PEX1: variants seen among roughly 807,000 people sequenced by gnomAD.
The protein encoded by PEX1 is peroxisomal biogenesis factor 1, also known as peroxisomal ATPase PEX1.
In PEX1, 97 loss-of-function variants were observed where a neutral mutation model predicts 152.5. The observed-to-expected ratio is 0.64, with a 90% CI of 0.54 to 0.75. The LOEUF is 0.75. PEX1 is among the 30% of genes least tolerant of loss of function. The pLI, the probability that PEX1 is intolerant of heterozygous loss-of-function variation, is 0.00. For missense variants in PEX1, 1,357 were observed against 1,516.3 expected (o/e 0.89, Z 1.74); for synonymous variants, 485 against 531.6 (o/e 0.91, Z 1.21).
chr7:92,502,379 G>GA (rs1440408795), intron 13 of PEX1, among the ~76,000 whole-genome samples: 2 of 152,030 alleles, frequency 1.3e-5, no homozygotes, highest in Non-Finnish European at 2.9e-5. Flanking sequence ...ATAAAGTTGT[G>GA]AAAAAATCAC....
At chr7:92,508,895 A>C (rs979512352) in intron 9 of PEX1, among the ~76,000 whole-genome samples, 2 of 152,204 alleles carry the variant, frequency 1.3e-5, no homozygotes, top group Non-Finnish European at 2.9e-5. Context: ...GGAATAACTT[A>C]ATTTGAAATA....
chr7:92,510,922 A>C (rs758986883), intron 8 of PEX1, 22 bp downstream of exon 8: 1 of 1,165,490 alleles, frequency 8.6e-7, no homozygotes, highest in South Asian at 1.3e-5. Context: ...ATTTTATTAA[A>C]TATTCAATAA....
chr7:92,508,520 A>C (rs998206858), intron 9 of PEX1, among the ~76,000 whole-genome samples: 2 of 152,052 alleles, frequency 1.3e-5, no homozygotes, highest in African/African-American at 4.8e-5. Context: ...CCTGAGTGAC[A>C]AAGTGAGAGT....
intron 5 of PEX1, among the ~76,000 whole-genome samples, chr7:92,515,079 A>C (rs1369526759): frequency 0.26 from 474 of 1,858 alleles, 13 homozygotes; most frequent in South Asian, 0.32. Context: ...ATATATATAT[A>C]TATATATATA....
chr7:92,497,913 CA>C (rs1309079857), intron 16 of PEX1, among the ~76,000 whole-genome samples: 1 of 150,992 alleles, frequency 6.6e-6, no homozygotes, highest in Non-Finnish European at 1.5e-5. Flanking sequence ...ACTAAAAATA[CA>C]AAAATTCACC....
chr7:92,514,631 A>G (rs188522560), intron 5 of PEX1, among the ~76,000 whole-genome samples: 25 of 152,364 alleles, frequency 1.6e-4, no homozygotes, highest in Non-Finnish European at 4.4e-5. Flanking sequence ...AGATCCAGAC[A>G]GAAACTTAAT....
chr7:92,511,579 C>A lies in PEX1; in HGVS notation c.1483+1G>T. ...AAAGTCAAAATAACAAATGTACTCA[C>A]CATCTTTAGTTTCCAGCTTAATAAA... On this transcript the variant is annotated splice_donor_variant, in intron 7 of 23. Coordinates refer to ENST00000248633, the MANE Select transcript of PEX1 (RefSeq NM_000466.3). LOFTEE classifies it high-confidence loss of function. The A allele has an allele frequency of 6.2e-7, 1 of 1,609,696 alleles. No homozygotes were observed. The highest frequency in any genetic ancestry group is 2.2e-5 in the East Asian group (1 of 44,786).
At chr7:92,514,044 T>C (rs1445004699) in intron 5 of PEX1, 77 bp from the exon 6 acceptor site, 4 of 914,240 alleles carry the variant, frequency 4.4e-6, no homozygotes, top group Admixed American at 4.3e-5. Context: ...TAAATATTGA[T>C]ATATTAGCTT....
chr7:92,504,366 G>A (rs1391388599), intron 12 of PEX1, among the ~76,000 whole-genome samples: 2 of 151,982 alleles, frequency 1.3e-5, no homozygotes, highest in South Asian at 2.1e-4. Context: ...TATTAGTATC[G>A]TTCTGCGCTA....
At chr7:92,527,054 G>C (rs1414663011) in intron 1 of PEX1, among the ~76,000 whole-genome samples, 1 of 152,012 alleles carries the variant, frequency 6.6e-6, no homozygotes, top group Non-Finnish European at 1.5e-5. Flanking sequence ...TGCTAATATG[G>C]GCTGAACAGA....
chr7:92,499,432 A>G lies in PEX1; in HGVS notation c.2718+272T>C, dbSNP rs1022140992. Among the ~76,000 whole-genome samples, 19 of 152,240 alleles carry G rather than the reference A, an allele frequency of 1.2e-4. 1 individual carries two copies. The highest frequency in any genetic ancestry group is 7.3e-5 in the Non-Finnish European group (5 of 68,042). On this transcript the variant is annotated intron_variant, in intron 16 of 23. Transcript: ENST00000248633. ...ACCATGAAAACATTACATAAGTGAA[A>G]GAAGCCAGACAAAAAAGGTCACATA...
Position 92,506,340 on chromosome 7 carries a change from C to G in PEX1, c.1808G>C (p.Ser603Thr), listed in dbSNP as rs1157466034. The G allele has an allele frequency of 6.3e-7, 1 of 1,590,908 alleles. No homozygotes were observed. The highest frequency in any genetic ancestry group is 1.1e-5 in the South Asian group (1 of 90,550). ...GALLLTGGKG[S>T]GKSTLAKAIC... The stretch of plus-strand genomic sequence containing the variant: ...TGCTTTGGCTAAAGTTGATTTTCCA[C>G]TTCCCTAGAAAATAATTGCTTTATA... The change falls in exon 11 of 24, where the codon AGT (serine) becomes ACT (threonine). Residue 603 changes from serine to threonine, a missense_variant. Coordinates refer to ENST00000248633, the MANE Select transcript of PEX1 (RefSeq NM_000466.3).
intron 12 of PEX1, 70 bp downstream of exon 12, chr7:92,504,662 T>C (rs1792091537): frequency 7.0e-7 from 1 of 1,425,648 alleles, no homozygotes; most frequent in Non-Finnish European, 9.8e-7. Flanking sequence ...AGAGAGTAGA[T>C]TTATTGTTAA....
intron 17 of PEX1, among the ~76,000 whole-genome samples, chr7:92,496,417 G>A (rs1482200598): frequency 1.3e-5 from 2 of 151,854 alleles, no homozygotes; most frequent in Non-Finnish European, 2.9e-5. Context: ...ATAAATTAGG[G>A]GCAATTATTT....
rs1307075489 is a variant in PEX1, at chr7:92,517,305, C to T, written c.1210G>A (p.Val404Ile). The T allele has an allele frequency of 2.5e-6, 4 of 1,613,846 alleles. No homozygotes were observed. The highest frequency in any genetic ancestry group is 3.4e-6 in the Non-Finnish European group (4 of 1,179,844). Reference protein sequence around the residue: ...LNNAIKYTKNVEVLHLGKVWI... With the variant: ...LNNAIKYTKNIEVLHLGKVWI... ...ACTTTCCCAAGATGGAGAACTTCTA[C>T]ATTTTTGGTATATTTGATGGCATTG... The change falls in exon 5 of 24, where the codon GTA becomes ATA. Residue 404 changes from valine (V) to isoleucine (I), a missense_variant. Transcript: ENST00000248633.
rs1791305738 is a variant in PEX1 at position 92,491,382 on chromosome 7, A to C, written c.3328T>G (p.Ser1110Ala). ...GECGLDQSLV[S>A]LEMSEILPDE... Reference sequence around the variant, plus strand: ...GGAAGGATCTCGGACATCTCTAAAGAAACAAGGGACTGATCTAAGCCACAT... The same window carrying C: ...GGAAGGATCTCGGACATCTCTAAAGCAACAAGGGACTGATCTAAGCCACAT... The change falls in exon 21 of 24, where the codon TCT (serine) becomes GCT (alanine). Residue 1110 changes from serine (S) to alanine (A), a missense_variant. Physicochemically the swap from Ser to Ala is moderately conservative, Grantham distance 99. Transcript: ENST00000248633. 6.2e-7 allele frequency: 1 copy of C among 1,613,856 alleles called. No homozygotes were observed. Among genetic ancestry groups the C allele is most frequent in the South Asian group, 1.1e-5 (1 of 91,080 alleles).
At chr7:92,496,656 C>T in intron 17 of PEX1, 57 bp downstream of exon 17, 1 of 1,146,604 alleles carries the variant, frequency 8.7e-7, no homozygotes, top group South Asian at 1.2e-5. Context: ...AAAAAAAGCA[C>T]TGATTGATAA....
chr7:92,499,650 T>G (rs1157433775), intron 16 of PEX1, 54 bp downstream of exon 16: 3 of 1,445,142 alleles, frequency 2.1e-6, no homozygotes, highest in Non-Finnish European at 2.9e-6. Flanking sequence ...AATGGCTAAC[T>G]GCATTTATGT....
At chr7:92,492,563 G>A (rs1428408221) in intron 20 of PEX1, among the ~76,000 whole-genome samples, 1 of 152,156 alleles carries the variant, frequency 6.6e-6, no homozygotes, top group Non-Finnish European at 1.5e-5. Flanking sequence ...GGCTCCTATT[G>A]GCCAGATTGG....
Sources: gnomAD v4.1 joint callset for allele counts (sites outside exome capture counted in the v4.1 genomes callset) on GRCh38, gnomAD v4.1.1 for gene constraint, MANE v1.5 for transcripts, NCBI Gene and HGNC (gene_info 2026-07-23, HGNC 2026-07-21) for gene names.